Variants in ANGEL1 observed in about 807,000 individuals in gnomAD.
ANGEL1 encodes the protein angel homolog 1.
In ANGEL1, 62 loss-of-function variants were observed where a neutral mutation model predicts 76.4. That is an observed-to-expected ratio of 0.81 (90% CI 0.66 to 1.00). The LOEUF is 1.00. Among genes scored for constraint, ANGEL1 ranks in the 50% least tolerant of loss-of-function variants. The probability of loss-of-function intolerance (pLI) is 0.00; values close to 1 mark genes in which losing one functional copy is unlikely to be tolerated. For synonymous variants in ANGEL1, 340 were observed against 331.7 expected (o/e 1.03, Z -0.27); for missense variants, 737 against 836.7 (o/e 0.88, Z 1.47).
intron 1 of ANGEL1, chr14:76,810,239 T>A (rs1408408270): frequency 4.4e-6 from 2 of 454,696 alleles, no homozygotes; most frequent in South Asian, 1.6e-5. Context: ...CTGGGCAACA[T>A]AACGAAACTT....
intron 4 of ANGEL1, 103 bp from the exon 5 acceptor site, chr14:76,806,952 C>T (rs1387846990): frequency 1.5e-5 from 19 of 1,279,132 alleles, no homozygotes; most frequent in African/African-American, 4.5e-5. Context: ...AGGCATTGTT[C>T]CTGCTACTCA....
intron 7 of ANGEL1, among the ~76,000 whole-genome samples, chr14:76,793,926 A>G (rs1295771933): frequency 6.6e-6 from 1 of 152,216 alleles, no homozygotes; most frequent in Non-Finnish European, 1.5e-5. Context: ...TCTCCCTCAA[A>G]GTATCTTAAG....
At chr14:76,793,787 G>GT (rs1361487249) in intron 7 of ANGEL1, among the ~76,000 whole-genome samples, 2 of 151,720 alleles carry the variant, frequency 1.3e-5, no homozygotes, top group Non-Finnish European at 2.9e-5. Flanking sequence ...TAAATATACT[G>GT]TTTTTTTCCT....
At chr14:76,803,148 C>G (rs911721172) in intron 7 of ANGEL1, among the ~76,000 whole-genome samples, 3 of 152,240 alleles carry the variant, frequency 2.0e-5, no homozygotes, top group African/African-American at 7.2e-5. Flanking sequence ...GCTCTCAAAG[C>G]TAGTTACAAC....
chr14:76,794,743 T>G (rs1894526173), intron 7 of ANGEL1, among the ~76,000 whole-genome samples: 1 of 139,436 alleles, frequency 7.2e-6, no homozygotes, highest in African/African-American at 2.6e-5. Flanking sequence ...ATTTCTATAT[T>G]TTTTCTTTTT....
chr14:76,801,304 G>A (rs1679763806), intron 7 of ANGEL1, among the ~76,000 whole-genome samples: 1 of 151,862 alleles, frequency 6.6e-6, no homozygotes, highest in African/African-American at 2.4e-5. Flanking sequence ...TAGAGACGGT[G>A]TCTCACTTTG....
In ANGEL1 at chr14:76,812,823, A is replaced by C; in HGVS notation, c.5T>G (p.Ile2Ser). 6.6e-7 allele frequency: 1 copy of C among 1,513,418 alleles called. No individual in the cohort carries two copies. The highest frequency in any genetic ancestry group is 8.8e-7 in the Non-Finnish European group (1 of 1,135,056). The allele number at this position is 1,513,418 out of a possible 1,614,324, so 93.7% of individuals were successfully genotyped here. M[I>S]ASCLCYLLLP... ...CAGCAGGTAACACAAGCACGACGCG[A>C]TCATGGCCGGCCGCCCGCGCCCGCC... is the stretch of plus-strand genomic sequence containing the variant. Residue 2 changes from isoleucine to serine, a missense_variant, in exon 1 of 10, where the codon ATC becomes AGC. Physicochemically the swap from Ile to Ser is moderately radical, Grantham distance 142. Around this residue, in one of 2 missense-constraint regions of ANGEL1, gnomAD observed 441 missense variants for 449.5 expected, o/e 0.98. Coordinates refer to ENST00000251089, the MANE Select transcript of ANGEL1 (RefSeq NM_015305.4).
intron 7 of ANGEL1, among the ~76,000 whole-genome samples, chr14:76,798,000 TG>T: frequency 6.6e-6 from 1 of 152,208 alleles, no homozygotes; most frequent in East Asian, 1.9e-4. Flanking sequence ...GGAGTCCTCA[TG>T]GATAGGATTA....
Position 76,809,214 on chromosome 14 carries a change from G to A in ANGEL1, c.494C>T (p.Pro165Leu). Residue 165 changes from proline (P) to leucine (L), a missense_variant, in exon 2 of 10, where the codon CCA (proline) becomes CTA (leucine). Pro to Leu is a moderately conservative substitution (Grantham distance 98, BLOSUM62 -3). Coordinates refer to ENST00000251089, the MANE Select transcript of ANGEL1 (RefSeq NM_015305.4). ...CTGCTCTGTGGCCAGGGCACCCACT[G>A]GGAGGGCAGCACAGTCTGCATACTG... The part of the protein sequence containing the change: ...EPQYADCAAL[P>L]VGALATEQWE... 1 of 1,613,268 alleles carries A rather than the reference G, an allele frequency of 6.2e-7. No individual in the cohort carries two copies. The highest frequency in any genetic ancestry group is 2.2e-5 in the East Asian group (1 of 44,840).
At chr14:76,801,987 G>A (rs1422180510) in intron 7 of ANGEL1, among the ~76,000 whole-genome samples, 1 of 150,938 alleles carries the variant, frequency 6.6e-6, no homozygotes, top group Non-Finnish European at 1.5e-5. Flanking sequence ...TGAAACCCCT[G>A]TCTCTACTAA....
intron 9 of ANGEL1, 91 bp from the exon 10 acceptor site, chr14:76,789,479 G>A: frequency 1.4e-6 from 2 of 1,479,976 alleles, no homozygotes; most frequent in Non-Finnish European, 1.8e-6. Context: ...AACGCCTTCT[G>A]CAGGCTGCAT....
In ANGEL1 at chr14:76,790,738, C is replaced by T. The variant is rs144966408; in HGVS notation, c.1725G>A (p.Thr575=). The T allele has an allele frequency of 1.1e-3, 1,775 of 1,614,062 alleles. 17 individuals carry two copies. The African/African-American group carries it at 0.021, about 19-fold the overall frequency. The change falls in exon 9 of 10, where the codon ACG becomes ACA. Residue 575 remains threonine, a synonymous_variant. Transcript: ENST00000251089. The part of the protein sequence containing the change: ...VGTIQHCLHL[T]SVYTHFLPQR... ...GGGGCAGGAAGTGGGTATATACTGA[C>T]GTCAGGTGGAGGCAGTGCTGGATGG...
intron 7 of ANGEL1, among the ~76,000 whole-genome samples, chr14:76,800,796 C>T (rs1410197984): frequency 6.6e-6 from 1 of 152,024 alleles, no homozygotes. Flanking sequence ...CATGGTGAAA[C>T]CCTGTCTCTA....
At chr14:76,794,005 A>G (rs1269962914) in intron 7 of ANGEL1, among the ~76,000 whole-genome samples, 1 of 152,222 alleles carries the variant, frequency 6.6e-6, no homozygotes. Context: ...AAGGCGGACT[A>G]CTATATACAA....
At chr14:76,812,096 C>T (rs1895103812) in intron 1 of ANGEL1, among the ~76,000 whole-genome samples, 1 of 152,174 alleles carries the variant, frequency 6.6e-6, no homozygotes, top group Admixed American at 6.5e-5. Flanking sequence ...AATTATGAAA[C>T]AATAACGAAA....
chr14:76,791,703 C>T (rs893460716), intron 7 of ANGEL1, among the ~76,000 whole-genome samples: 2 of 152,116 alleles, frequency 1.3e-5, no homozygotes, highest in African/African-American at 2.4e-5. Context: ...CTCACTTGTC[C>T]TCCTCTGCCA....
At chr14:76,792,450 T>C (rs993553319) in intron 7 of ANGEL1, among the ~76,000 whole-genome samples, 2 of 152,150 alleles carry the variant, frequency 1.3e-5, no homozygotes, top group African/African-American at 2.4e-5. Context: ...ACAAAAACTA[T>C]AGACCAATAT....
rs967928037 is a variant in ANGEL1 at position 76,787,159 on chromosome 14, T to G, written c.*2069A>C. ...ACCCCACCCCAAGATCAAAAGCTCCTTAGTCTCTTCCTCTGCCCACCTCAT... is the reference window on the plus strand; with the variant it reads ...ACCCCACCCCAAGATCAAAAGCTCCGTAGTCTCTTCCTCTGCCCACCTCAT... On this transcript the variant is annotated 3_prime_UTR_variant, in exon 10 of 10. Transcript: ENST00000251089. The G allele has an allele frequency of 6.6e-6, 1 of 152,192 alleles. No homozygotes were observed. The highest frequency in any genetic ancestry group is 1.5e-5 in the Non-Finnish European group (1 of 68,042). 9.4% of individuals were successfully genotyped at this position (152,192 alleles called of 1,614,324 possible). A position where few individuals can be genotyped will look rare whatever the true frequency, so the allele number is the denominator to read the frequency against.
At chr14:76,805,962 G>A (rs1894905536) in intron 5 of ANGEL1, among the ~76,000 whole-genome samples, 1 of 152,180 alleles carries the variant, frequency 6.6e-6, no homozygotes, top group Admixed American at 6.5e-5. Context: ...ATAGCACATG[G>A]CACACACTTA....
Sources: allele counts gnomAD v4.1 joint callset (sites outside exome capture counted in the v4.1 genomes callset), GRCh38; gene constraint gnomAD v4.1.1; regional missense constraint gnomAD v4.1.1; transcripts MANE v1.5; gene names NCBI Gene and HGNC (gene_info 2026-07-23, HGNC 2026-07-21).